RPL14: variants seen among roughly 807,000 people sequenced by gnomAD.
RPL14 encodes the protein ribosomal protein L14.
A neutral mutation model predicts 25.3 loss-of-function variants in RPL14; 4 were observed. The ratio of observed to expected loss-of-function variants is 0.16; its 90% CI spans 0.08 to 0.36. The LOEUF is 0.36. RPL14 is among the 10% of genes least tolerant of loss of function. The pLI is 1.00. For missense variants in RPL14, 212 were observed against 261.9 expected, an observed-to-expected ratio of 0.81 and a Z score of 1.31; for synonymous variants, 75 against 89.8, an observed-to-expected ratio of 0.84 and a Z score of 0.93.
rs115707366 is a variant in RPL14 at position 40,457,370 on chromosome 3, C to G, written c.-102C>G. On this transcript the variant is annotated 5_prime_UTR_variant, in exon 1 of 6. Transcript: ENST00000396203. ...GCCTAACGCCGCCAACATGGTGAGTCTTACTGTTGCGGGCTCCGGGGCCGT... is the reference window on the plus strand; with the variant it reads ...GCCTAACGCCGCCAACATGGTGAGTGTTACTGTTGCGGGCTCCGGGGCCGT... The G allele has an allele frequency of 3.4e-4, 539 of 1,607,532 alleles. 1 individual carries two copies. The African/African-American group carries it at 6.3e-3, about 19-fold the overall frequency.
At chr3:40,458,199 G>C (rs942077386) in intron 2 of RPL14, 4 of 593,596 alleles carry the variant, frequency 6.7e-6, no homozygotes, top group Non-Finnish European at 1.2e-5. Flanking sequence ...ACTTAAGCTA[G>C]AGCCAGTTAT....
Position 40,462,408 on chromosome 3 carries a change from G to T in RPL14, c.*176G>T, listed in dbSNP as rs992438605. 3 of 626,148 alleles carry T rather than the reference G, an allele frequency of 4.8e-6. No individual in the cohort carries two copies. The highest frequency in any genetic ancestry group is 6.7e-5 in the East Asian group (2 of 29,820). The allele number at this position is 626,148 out of a possible 1,614,324, so 38.8% of individuals were successfully genotyped here. A position where few individuals can be genotyped will look rare whatever the true frequency, so the allele number is the denominator to read the frequency against. On this transcript the variant is annotated 3_prime_UTR_variant, in exon 6 of 6. Transcript: ENST00000396203. ...TTTTTTTTTTTTGAGATGGAGTCTC[G>T]TTCTGTTGCTCAGGCCGGACTGCAG...
rs1696953897 is a variant in RPL14 at position 40,462,290 on chromosome 3, G to T, written c.*58G>T. 6.0e-6 allele frequency: 9 copies of T among 1,497,042 alleles called. No homozygotes were observed. Among genetic ancestry groups the T allele is most frequent in the Non-Finnish European group, 7.1e-6 (8 of 1,123,018 alleles). 92.7% of individuals were successfully genotyped at this position (1,497,042 alleles called of 1,614,324 possible). ...TTGACCTGTTGACAAATGTATTTAA[G>T]CCTTTGGATTTAAAGCCTGTTGAGG... On this transcript the variant is annotated 3_prime_UTR_variant, in exon 6 of 6. Coordinates refer to ENST00000396203, the MANE Select transcript of RPL14 (RefSeq NM_001034996.3).
chr3:40,462,375 T>A lies in RPL14; in HGVS notation c.*143T>A. On this transcript the variant is annotated 3_prime_UTR_variant, in exon 6 of 6. Coordinates refer to ENST00000396203, the MANE Select transcript of RPL14 (RefSeq NM_001034996.3). Reference sequence around the variant, plus strand: ...AATAAACATTAAATAATCAGTTCCTTTTTTTTTTTTTTTTTTTTTGAGATG... The same window carrying A: ...AATAAACATTAAATAATCAGTTCCTATTTTTTTTTTTTTTTTTTTGAGATG... The A allele has an allele frequency of 1.3e-5, 1 of 76,330 alleles. No homozygotes were observed. The highest frequency in any genetic ancestry group is 2.2e-5 in the Non-Finnish European group (1 of 46,386). The allele number at this position is 76,330 out of a possible 1,614,324, so 4.7% of individuals were successfully genotyped here. A position where few individuals can be genotyped will look rare whatever the true frequency, so the allele number is the denominator to read the frequency against.
chr3:40,458,554 C>T, intron 2 of RPL14, 88 bp from the exon 3 acceptor site: 1 of 1,005,304 alleles, frequency 9.9e-7, no homozygotes, highest in Non-Finnish European at 1.6e-6. Context: ...TTTGATGGCC[C>T]TGAACGGATA....
intron 3 of RPL14, among the ~76,000 whole-genome samples, chr3:40,460,639 A>T (rs1373029888): frequency 2.0e-5 from 3 of 147,526 alleles, no homozygotes; most frequent in Non-Finnish European, 4.5e-5. Context: ...TTTGACACGG[A>T]GTCTCACTTT....
intron 1 of RPL14, 37 bp downstream of exon 1, chr3:40,457,511 GCCCTT>G: frequency 1.4e-6 from 2 of 1,472,874 alleles, no homozygotes; most frequent in Middle Eastern, 2.1e-4. Flanking sequence ...GCGGAATCGG[GCCCTT>G]CCCGGACTCG....
chr3:40,457,842 G>A, intron 1 of RPL14, 48 bp from the exon 2 acceptor site: 1 of 1,494,764 alleles, frequency 6.7e-7, no homozygotes, highest in Non-Finnish European at 9.3e-7. Flanking sequence ...GACATATGTA[G>A]CGAGTATTTC....
chr3:40,459,432 A>C (rs1409038265), intron 3 of RPL14, among the ~76,000 whole-genome samples: 1 of 152,250 alleles, frequency 6.6e-6, no homozygotes, highest in Non-Finnish European at 1.5e-5. Context: ...TAAGTGAGGC[A>C]GTGAATAGCA....
intron 5 of RPL14, 67 bp downstream of exon 5, chr3:40,461,728 C>A: frequency 1.4e-6 from 2 of 1,438,500 alleles, no homozygotes; most frequent in East Asian, 2.3e-5. Flanking sequence ...TAGCCAAATC[C>A]CATTTCAGGC....
chr3:40,460,103 T>C (rs573448767), intron 3 of RPL14, among the ~76,000 whole-genome samples: 2 of 152,306 alleles, frequency 1.3e-5, no homozygotes, highest in South Asian at 2.1e-4. Flanking sequence ...CTAGGTACTC[T>C]TGTAATTCTG....
In RPL14 at chr3:40,464,102, G is replaced by C. The variant is rs1168822910; in HGVS notation, c.*1870G>C. The C allele has an allele frequency of 5.1e-6, 1 of 197,638 alleles. No individual in the cohort carries two copies. Among genetic ancestry groups the C allele is most frequent in the African/African-American group, 2.3e-5 (1 of 43,540 alleles). The allele number at this position is 197,638 out of a possible 1,614,324, so 12.2% of individuals were successfully genotyped here. On this transcript the variant is annotated 3_prime_UTR_variant, in exon 6 of 6. Transcript: ENST00000396203. Reference sequence around the variant, plus strand: ...CTGCCTCAGCCTCCCAAGTAGCAGGGGTTAAATGCGTGTACCACCATGCCC... The same window carrying C: ...CTGCCTCAGCCTCCCAAGTAGCAGGCGTTAAATGCGTGTACCACCATGCCC...
chr3:40,458,769 C>T, intron 3 of RPL14, 33 bp downstream of exon 3: 4 of 1,564,582 alleles, frequency 2.6e-6, no homozygotes, highest in Non-Finnish European at 3.5e-6. Context: ...TCCCTCCCAT[C>T]CCCAGATTTG....
chr3:40,458,061 C>T, intron 2 of RPL14, 70 bp downstream of exon 2: 1 of 1,301,902 alleles, frequency 7.7e-7, no homozygotes, highest in South Asian at 1.2e-5. Flanking sequence ...AATGAATTGT[C>T]TCGATGGCTG....
intron 3 of RPL14, among the ~76,000 whole-genome samples, chr3:40,460,625 T>TC (rs1339791611): frequency 9.9e-5 from 15 of 151,538 alleles, no homozygotes; most frequent in Non-Finnish European, 1.6e-4. Flanking sequence ...GGTTTTTTTT[T>TC]TCTTTTGACA....
chr3:40,457,391 G>A lies in RPL14; in HGVS notation c.-81G>A. 1 of 1,602,548 alleles carries A rather than the reference G, an allele frequency of 6.2e-7. No homozygotes were observed. On this transcript the variant is annotated 5_prime_UTR_variant, in exon 1 of 6. Coordinates refer to ENST00000396203, the MANE Select transcript of RPL14 (RefSeq NM_001034996.3). Reference sequence around the variant, plus strand: ...GAGTCTTACTGTTGCGGGCTCCGGGGCCGTCGACCATGCCGCTCGACCTCC... The same window carrying A: ...GAGTCTTACTGTTGCGGGCTCCGGGACCGTCGACCATGCCGCTCGACCTCC...
rs747447082 is a variant in RPL14 at position 40,457,955 on chromosome 3, A to G, written c.69A>G (p.Lys23=). ...AYVSFGPHAG[K]LVAIVDVIDQ... is the part of the protein sequence containing the mutation. ...TCTCCTTTGGACCTCATGCCGGAAA[A>G]TTGGTCGCGATTGTAGATGTTATTG... The change falls in exon 2 of 6, where the codon AAA becomes AAG. Residue 23 remains lysine (K), a synonymous_variant. Coordinates refer to ENST00000396203, the MANE Select transcript of RPL14 (RefSeq NM_001034996.3). The G allele has an allele frequency of 2.5e-5, 40 of 1,613,950 alleles. No homozygotes were observed. The African/African-American group carries it at 4.1e-4, about 17-fold the overall frequency.
intron 1 of RPL14, 119 bp downstream of exon 1, chr3:40,457,593 A>G (rs1696862913): frequency 3.6e-6 from 3 of 825,212 alleles, no homozygotes; most frequent in Admixed American, 2.6e-5. Context: ...GCCTTGGGCC[A>G]CGCGTGCGCG....
In RPL14 at chr3:40,462,990, TCTC is replaced by T. The variant is rs1419621375; in HGVS notation, c.*759_*761del. 6.6e-6 allele frequency: 1 copy of T among 152,052 alleles called. No individual in the cohort carries two copies. Among genetic ancestry groups the T allele is most frequent in the East Asian group, 1.9e-4 (1 of 5,176 alleles). The allele number at this position is 152,052 out of a possible 1,614,324, so 9.4% of individuals were successfully genotyped here. On this transcript the variant is annotated 3_prime_UTR_variant, in exon 6 of 6. Transcript: ENST00000396203. ...CCCAGGCTGGAGTGCAGTGGTGCGA[TCTC>T]AGCTCCCTCCACCTTCCGGGTTCAA... is the stretch of plus-strand genomic sequence containing the variant.
Sources: gnomAD v4.1 joint callset for allele counts (sites outside exome capture counted in the v4.1 genomes callset) on GRCh38, gnomAD v4.1.1 for gene constraint, MANE v1.5 for transcripts, NCBI Gene and HGNC (gene_info 2026-07-23, HGNC 2026-07-21) for gene names.